Variants in POLR2F observed in about 807,000 individuals in gnomAD.
POLR2F encodes DNA-directed RNA polymerases I, II, and III subunit RPABC2.
Under a neutral mutation model 22.7 loss-of-function variants are expected in POLR2F, and 12 were observed. The observed-to-expected ratio is 0.53, with a 90% CI of 0.34 to 0.86. POLR2F has a LOEUF of 0.86. Ranked by LOEUF, POLR2F falls within the 40% of genes least tolerant of loss-of-function variation. The probability of loss-of-function intolerance (pLI) is 0.02; values close to 1 mark genes in which losing one functional copy is unlikely to be tolerated. For missense variants in POLR2F, 126 were observed against 171.5 expected, an observed-to-expected ratio of 0.73 and a Z score of 1.48; for synonymous variants, 57 against 66.0, an observed-to-expected ratio of 0.86 and a Z score of 0.66.
chr22:38,028,052 C>T (rs911557978), downstream of POLR2F, among the ~76,000 whole-genome samples: 5 of 152,140 alleles, frequency 3.3e-5, no homozygotes, highest in East Asian at 5.8e-4. Context: ...TGTAAGCCAT[C>T]GTATCTGCAT....
chr22:37,987,358 G>C, intron 1 of POLR2F: 1 of 451,866 alleles, frequency 2.2e-6, no homozygotes, highest in South Asian at 1.6e-5. Context: ...TCAGTCAAAC[G>C]TGAAGCCCAC....
intron 1 of POLR2F, among the ~76,000 whole-genome samples, chr22:38,010,184 G>C (rs2084858613): frequency 6.6e-6 from 1 of 152,106 alleles, no homozygotes; most frequent in African/African-American, 2.4e-5. Flanking sequence ...AGGCCAGCCT[G>C]GACAACATAG....
At chr22:37,994,605 G>GC (rs1012029428) in intron 1 of POLR2F, among the ~76,000 whole-genome samples, 8 of 151,952 alleles carry the variant, frequency 5.3e-5, no homozygotes, top group Non-Finnish European at 1.2e-4. Flanking sequence ...TGCAAGCTCC[G>GC]CCCCCCGGGT....
At chr22:38,013,073 A>ACTTCCTTCCCTTCCTTCCCTTCCTTCC (rs139903) in intron 1 of POLR2F, among the ~76,000 whole-genome samples, 1 of 148,066 alleles carries the variant, frequency 6.8e-6, no homozygotes, top group East Asian at 2.0e-4. Context: ...CTTAGTTATG[A>ACTTCCTTCCCTTCCTTCCCTTCCTTCC]CTTCCTTCCC....
At chr22:37,995,123 C>T (rs921787914) in intron 1 of POLR2F, among the ~76,000 whole-genome samples, 2 of 152,222 alleles carry the variant, frequency 1.3e-5, no homozygotes, top group African/African-American at 4.8e-5. Context: ...CAGCCACCCT[C>T]TCTGGCACAT....
chr22:38,020,535 G>T (rs2084952669), intron 1 of POLR2F, among the ~76,000 whole-genome samples: 1 of 150,798 alleles, frequency 6.6e-6, no homozygotes, highest in African/African-American at 2.4e-5. Context: ...CTCCCAAAGT[G>T]CTGGGATTAC....
At chr22:37,958,677 C>T (rs139866) in intron 2 of POLR2F, among the ~76,000 whole-genome samples, 103,428 of 151,974 alleles carry the variant, frequency 0.68, 35,774 homozygotes, top group African/African-American at 0.81. Flanking sequence ...TGAGCTCAAG[C>T]CTCATCCCTG....
rs952727972 is a variant in POLR2F, at chr22:37,986,588, G to A, written c.120+276G>A. On this transcript the variant is annotated intron_variant, in intron 1 of 2. Coordinates refer to the POLR2F transcript ENST00000333418. The surrounding 1 kb of genome is among the most constrained non-coding windows in gnomAD (Gnocchi z 4.7). ...GCTCTGTCTGCAGGAAGCCACGCTA[G>A]ACAGAAGGGGCCACTCCCTCTCTCT... 1 of 720,722 alleles carries A rather than the reference G, an allele frequency of 1.4e-6. No homozygotes were observed. The highest frequency in any genetic ancestry group is 1.7e-5 in the African/African-American group (1 of 57,634). The allele number at this position is 720,722 out of a possible 1,614,324, so 44.6% of individuals were successfully genotyped here.
intron 1 of POLR2F, among the ~76,000 whole-genome samples, chr22:38,003,742 A>G (rs1343214509): frequency 6.6e-6 from 1 of 151,044 alleles, no homozygotes; most frequent in African/African-American, 2.4e-5. Context: ...ATGCCCAGCT[A>G]ATTTTTGTAT....
At chr22:37,965,793 G>A (rs545697880) in intron 3 of POLR2F, among the ~76,000 whole-genome samples, 5 of 152,320 alleles carry the variant, frequency 3.3e-5, no homozygotes, top group Admixed American at 2.6e-4. Context: ...CTCTCAGGCC[G>A]CTTCACTAGA....
chr22:37,958,607 A>G (rs1931499965), intron 2 of POLR2F: 1 of 152,030 alleles, frequency 6.6e-6, no homozygotes, highest in African/African-American at 2.4e-5. Flanking sequence ...TTTCTCCTCT[A>G]TGCCTTTGCA....
downstream of POLR2F, chr22:37,973,445 A>G: frequency 7.9e-7 from 1 of 1,267,404 alleles, no homozygotes; most frequent in African/African-American, 1.5e-5. Context: ...AACAGGGCAC[A>G]CAGGCTGGGG....
At chr22:37,995,476 A>G (rs539769270) in intron 1 of POLR2F, among the ~76,000 whole-genome samples, 7 of 152,292 alleles carry the variant, frequency 4.6e-5, no homozygotes, top group African/African-American at 1.2e-4. Flanking sequence ...CTCCAGTACC[A>G]GCTGTTTTCT....
downstream of POLR2F, chr22:37,971,329 C>G (rs1399592626): frequency 2.1e-6 from 1 of 470,710 alleles, no homozygotes; most frequent in African/African-American, 2.0e-5. Flanking sequence ...TCGGACCTAC[C>G]CCTTCACTGG....
chr22:38,002,104 C>T (rs1255468991), intron 1 of POLR2F, among the ~76,000 whole-genome samples: 1 of 151,982 alleles, frequency 6.6e-6, no homozygotes, highest in Non-Finnish European at 1.5e-5. Flanking sequence ...TCCACCTCAG[C>T]CTCTCAAAGT....
At chr22:38,025,660 C>A in intron 1 of POLR2F, 2 of 1,562,472 alleles carry the variant, frequency 1.3e-6, no homozygotes, top group East Asian at 2.2e-5. Flanking sequence ...GCATCTCCTC[C>A]CGCTGACTTC....
chr22:37,959,468 C>G lies in POLR2F; in HGVS notation c.213C>G (p.Leu71=), dbSNP rs756013540. 6.2e-7 allele frequency: 1 copy of G among 1,613,778 alleles called. No individual in the cohort carries two copies. Among genetic ancestry groups the G allele is most frequent in the Non-Finnish European group, 8.5e-7 (1 of 1,179,928 alleles). The stretch of plus-strand genomic sequence containing the variant: ...CCCGCGTGCTGGGCACCCGAGCGCT[C>G]CAGATTGCGTGAGTGATTGCCCCTT... ...ERARVLGTRA[L]QIAMCAPVMV... Residue 71 remains leucine, a synonymous_variant, in exon 3 of 5, where the codon CTC becomes CTG. Coordinates refer to ENST00000442738, the MANE Select transcript of POLR2F (RefSeq NM_021974.5).
chr22:37,986,213 G>T lies in POLR2F; in HGVS notation c.23G>T (p.Arg8Met). The change falls in exon 1 of 3, where the codon AGG becomes ATG. Residue 8 changes from arginine (R) to methionine (M), a missense_variant. Arg to Met is a moderately conservative substitution (Grantham distance 91, BLOSUM62 -1). Coordinates refer to the POLR2F transcript ENST00000333418. The surrounding 1 kb of genome is among the most constrained non-coding windows in gnomAD (Gnocchi z 4.7). ...CCGCCCTGGATGGACAGAGGGACGA[G>T]GGACGAGCATCTGCCGTCGTGTCCC... The T allele has an allele frequency of 1.3e-6, 2 of 1,542,268 alleles. No individual in the cohort carries two copies. Among genetic ancestry groups the T allele is most frequent in the Non-Finnish European group, 1.7e-6 (2 of 1,147,586 alleles).
In POLR2F at chr22:37,956,088, G is replaced by A. The variant is rs374853048; in HGVS notation, c.21-685G>A. 3.1e-4 allele frequency among the ~76,000 whole-genome samples: 47 copies of A among 150,138 alleles called. 3 individuals are homozygous for A. The highest frequency in any genetic ancestry group is 1.7e-3 in the Admixed American group (25 of 15,132). On this transcript the variant is annotated intron_variant, in intron 1 of 4. Transcript: ENST00000442738. ...TTTTTTTGTTTGTTTTTTGTTTTGC[G>A]GTGGCGGGGGGGGGTTTTGAGACGG...
Sources: allele counts gnomAD v4.1 joint callset (sites outside exome capture counted in the v4.1 genomes callset), GRCh38; gene constraint gnomAD v4.1.1; non-coding constraint Gnocchi (gnomAD v3.1); transcripts MANE v1.5; gene names NCBI Gene and HGNC (gene_info 2026-07-23, HGNC 2026-07-21).